Variants in COL4A3 observed in about 807,000 individuals in gnomAD.
COL4A3 encodes collagen alpha-3(IV) chain.
Under a neutral mutation model 217.4 loss-of-function variants are expected in COL4A3, and 135 were observed. The ratio of observed to expected loss-of-function variants is 0.62; its 90% confidence interval spans 0.54 to 0.72. COL4A3 has a LOEUF of 0.72. Ranked by LOEUF, COL4A3 falls within the 30% of genes least tolerant of loss-of-function variation. The pLI, the probability that COL4A3 is intolerant of heterozygous loss-of-function variation, is 0.00. For missense variants in COL4A3, 1,868 were observed against 2,119.9 expected (o/e 0.88, Z 2.33); for synonymous variants, 690 against 736.3 (o/e 0.94, Z 1.02).
At chr2:227,166,316 TG>T (rs1193333989) in intron 1 of COL4A3, among the ~76,000 whole-genome samples, 1 of 152,198 alleles carries the variant, frequency 6.6e-6, no homozygotes, top group Non-Finnish European at 1.5e-5. Flanking sequence ...TAAAACTCAG[TG>T]GGGATTATCT....
chr2:227,257,778 C>A, intron 18 of COL4A3, 134 bp downstream of exon 18: 1 of 819,802 alleles, frequency 1.2e-6, no homozygotes, highest in Non-Finnish European at 2.1e-6. Flanking sequence ...CAAACCAGGG[C>A]AGAAAATAGC....
Position 227,191,535 on chromosome 2 carries a change from AG to A in COL4A3, c.87+26724del, listed in dbSNP as rs1262447845. 1.3e-5 allele frequency among the ~76,000 whole-genome samples: 2 copies of A among 152,188 alleles called. No homozygotes were observed. The highest frequency in any genetic ancestry group is 2.9e-5 in the Non-Finnish European group (2 of 68,030). ...CCCCTGTTGGCCATTCCCCGCATCA[AG>A]GATTCAAAGAACCTGCCAAGGGGCT... On this transcript the variant is annotated intron_variant, in intron 1 of 51. Transcript: ENST00000396578. This position sits in a 1 kb window ranked among gnomAD's most constrained non-coding sequence, Gnocchi z 6.8.
At chr2:227,226,721 C>T (rs1352404702) in intron 1 of COL4A3, among the ~76,000 whole-genome samples, 1 of 152,214 alleles carries the variant, frequency 6.6e-6, no homozygotes, top group Non-Finnish European at 1.5e-5. Context: ...CTACCTGCCT[C>T]GGCCTCCCAA....
At chr2:227,185,992 G>A (rs1163915952) in intron 1 of COL4A3, among the ~76,000 whole-genome samples, 1 of 152,218 alleles carries the variant, frequency 6.6e-6, no homozygotes, top group Admixed American at 6.5e-5. Flanking sequence ...GTGGGCTACT[G>A]GAAGTGTCCA....
chr2:227,307,336 A>C (rs2073549195), intron 47 of COL4A3, among the ~76,000 whole-genome samples: 3 of 152,218 alleles, frequency 2.0e-5, no homozygotes, highest in Non-Finnish European at 4.4e-5. Context: ...ACTCGAATAG[A>C]CTAAGTTGTA....
At chr2:227,217,908 A>T (rs1363756831) in intron 1 of COL4A3, among the ~76,000 whole-genome samples, 1 of 151,008 alleles carries the variant, frequency 6.6e-6, no homozygotes, top group African/African-American at 2.4e-5. Flanking sequence ...TGTTTTACAA[A>T]ATGCTTCTGC....
chr2:227,239,199 G>T lies in COL4A3; in HGVS notation c.145-944G>T, dbSNP rs114349385. On this transcript the variant is annotated intron_variant, in intron 2 of 51. Coordinates refer to ENST00000396578, the MANE Select transcript of COL4A3 (RefSeq NM_000091.5). ...GGCATACTGAAAATACTTCGGGGAG[G>T]GGGGGATATAATAAAAAATAATACA... Among the ~76,000 whole-genome samples, 284 of 151,844 alleles carry T rather than the reference G, an allele frequency of 1.9e-3. 2 individuals carry two copies. Among genetic ancestry groups the T allele is most frequent in the African/African-American group, 6.5e-3 (269 of 41,376 alleles).
Position 227,280,913 on chromosome 2 carries a change from C to A in COL4A3, c.2395C>A (p.Pro799Thr), listed in dbSNP as rs2071917322. 6.4e-7 allele frequency: 1 copy of A among 1,559,406 alleles called. No individual in the cohort carries two copies. The highest frequency in any genetic ancestry group is 1.9e-5 in the Admixed American group (1 of 52,224). Reference protein sequence around the residue: ...GPRGDPGQPGPPGEQGPPGRC... With the variant: ...GPRGDPGQPGTPGEQGPPGRC... ...TGCAGGAGATCCAGGGCAGCCTGGA[C>A]CACCTGGAGAACAAGGACCCCCAGG... Residue 799 changes from proline to threonine, a missense_variant, in exon 31 of 52, where the codon CCA becomes ACA. By Grantham distance (38) the Pro-to-Thr change is conservative. Transcript: ENST00000396578.
chr2:227,276,498 C>G (rs767698976), intron 27 of COL4A3, 21 bp downstream of exon 27: 1 of 1,551,386 alleles, frequency 6.4e-7, no homozygotes, highest in East Asian at 2.2e-5. Flanking sequence ...TCTGCCAAAT[C>G]TGGTACATGG....
chr2:227,172,600 T>C (rs2065528447), intron 1 of COL4A3, among the ~76,000 whole-genome samples: 1 of 145,998 alleles, frequency 6.8e-6, no homozygotes, highest in Non-Finnish European at 1.5e-5. Flanking sequence ...TTTTTTTTTT[T>C]TTTTTAGATG....
rs2073792096 is a variant in COL4A3, at chr2:227,312,871, A to G, written c.*1001A>G. 1 of 152,266 alleles carries G rather than the reference A, an allele frequency of 6.6e-6. No individual in the cohort carries two copies. Among genetic ancestry groups the G allele is most frequent in the Admixed American group, 6.6e-5 (1 of 15,230 alleles). The allele number at this position is 152,266 out of a possible 1,614,324, so 9.4% of individuals were successfully genotyped here. A position where few individuals can be genotyped will look rare whatever the true frequency, so the allele number is the denominator to read the frequency against. On this transcript the variant is annotated 3_prime_UTR_variant, in exon 52 of 52. Transcript: ENST00000396578. Reference sequence around the variant, plus strand: ...ATTTTCTCATTGCTCTGAATATGTCATCACTCTAGGTTTTACAGATTTATT... The same window carrying G: ...ATTTTCTCATTGCTCTGAATATGTCGTCACTCTAGGTTTTACAGATTTATT...
chr2:227,271,305 TAAATAA>T (rs2071221548), intron 25 of COL4A3, among the ~76,000 whole-genome samples: 1 of 152,104 alleles, frequency 6.6e-6, no homozygotes, highest in African/African-American at 2.4e-5. Context: ...TCCATATTTT[TAAATAA>T]AAATAAATGC....
At chr2:227,216,978 T>C (rs575243463) in intron 1 of COL4A3, among the ~76,000 whole-genome samples, 1 of 152,284 alleles carries the variant, frequency 6.6e-6, no homozygotes, top group South Asian at 2.1e-4. Context: ...TTGTATATGA[T>C]TTAGTGACTG....
chr2:227,234,685 T>A (rs1344480029), intron 1 of COL4A3, among the ~76,000 whole-genome samples: 1 of 152,204 alleles, frequency 6.6e-6, no homozygotes, highest in Admixed American at 6.5e-5. Context: ...AATATCTAAC[T>A]GCAGAGGCTC....
chr2:227,252,468 A>G (rs1292125032), intron 11 of COL4A3, among the ~76,000 whole-genome samples: 3 of 151,968 alleles, frequency 2.0e-5, no homozygotes, highest in South Asian at 4.2e-4. Context: ...CGCCCGCCTC[A>G]GCCTCCCAAA....
intron 1 of COL4A3, among the ~76,000 whole-genome samples, chr2:227,197,928 G>A (rs756862295): frequency 6.6e-5 from 10 of 152,222 alleles, no homozygotes; most frequent in African/African-American, 9.6e-5. Context: ...TGGGAAGTCA[G>A]CCTGGCAGTC....
In COL4A3 at chr2:227,312,320, G is replaced by C. The variant is rs1393069955; in HGVS notation, c.*450G>C. 1 of 239,148 alleles carries C rather than the reference G, an allele frequency of 4.2e-6. No homozygotes were observed. The highest frequency in any genetic ancestry group is 8.3e-6 in the Non-Finnish European group (1 of 121,118). The allele number at this position is 239,148 out of a possible 1,614,324, so 14.8% of individuals were successfully genotyped here. The stretch of plus-strand genomic sequence containing the variant: ...TCAGACCCTGGGTAGGGGAAGAGAA[G>C]GGGGCATGTGGTATCCTGGAGCATT... On this transcript the variant is annotated 3_prime_UTR_variant, in exon 52 of 52. Transcript: ENST00000396578.
At chr2:227,248,629 CTCTTAAGAAGATTT>C (rs2069506284) in intron 9 of COL4A3, 109 bp downstream of exon 9, 1 of 731,982 alleles carries the variant, frequency 1.4e-6, no homozygotes, top group South Asian at 1.5e-5. Flanking sequence ...CCCTCTCACT[CTCTTAAGAAGATTT>C]TAAATAGAAA....
rs527557092 is a variant in COL4A3 at position 227,301,318 on chromosome 2, T to C, written c.3883-1720T>C. The stretch of plus-strand genomic sequence containing the variant: ...CATGTAAATTGTCAGTGTAAATACA[T>C]TGACAATTCATATGTAAATACAGAA... On this transcript the variant is annotated intron_variant, in intron 43 of 51. Coordinates refer to ENST00000396578, the MANE Select transcript of COL4A3 (RefSeq NM_000091.5). Among the ~76,000 whole-genome samples, 9 of 152,272 alleles carry C rather than the reference T, an allele frequency of 5.9e-5. No individual in the cohort carries two copies. In the South Asian group the frequency reaches 8.3e-4, roughly 14 times the overall value.
Sources: allele counts gnomAD v4.1 joint callset (sites outside exome capture counted in the v4.1 genomes callset), GRCh38; gene constraint gnomAD v4.1.1; non-coding constraint Gnocchi (gnomAD v3.1); transcripts MANE v1.5; gene names NCBI Gene and HGNC (gene_info 2026-07-23, HGNC 2026-07-21).